Variants in TNFAIP8 observed in about 807,000 individuals in gnomAD.
The protein encoded by TNFAIP8 is tumor necrosis factor alpha-induced protein 8.
A neutral mutation model predicts 13.3 loss-of-function variants in TNFAIP8; 7 were observed. The ratio of observed to expected loss-of-function variants is 0.52; its 90% CI spans 0.30 to 0.99. TNFAIP8 has a LOEUF of 0.99. Ranked by LOEUF, TNFAIP8 falls within the 50% of genes least tolerant of loss-of-function variation. The pLI is 0.07. For synonymous variants in TNFAIP8, 94 were observed against 87.6 expected (o/e 1.07, Z -0.41); for missense variants, 258 against 236.9 (o/e 1.09, Z -0.58).
chr5:119,348,880 C>CAAAAAAAAAAA (rs60633145), intron 1 of TNFAIP8, among the ~76,000 whole-genome samples: 1 of 90,952 alleles, frequency 1.1e-5, no homozygotes, highest in Non-Finnish European at 2.5e-5. Flanking sequence ...AACTCCATCT[C>CAAAAAAAAAAA]AAAAAAAAAA....
At chr5:119,363,463 G>T (rs998541180) in intron 1 of TNFAIP8, among the ~76,000 whole-genome samples, 1 of 152,220 alleles carries the variant, frequency 6.6e-6, no homozygotes, top group Non-Finnish European at 1.5e-5. Flanking sequence ...GTTGCCAGTA[G>T]ATTCCTTTCC....
At chr5:119,356,464 A>G (rs1381789674) in intron 1 of TNFAIP8, among the ~76,000 whole-genome samples, 1 of 152,236 alleles carries the variant, frequency 6.6e-6, no homozygotes. Flanking sequence ...TGCATCAGAA[A>G]GACTGAAAGC....
chr5:119,317,690 C>T lies in TNFAIP8; in HGVS notation c.1+48783C>T, dbSNP rs560495159. Among the ~76,000 whole-genome samples the T allele has an allele frequency of 3.3e-3, 503 of 151,970 alleles. 2 individuals are homozygous for T. The highest frequency in any genetic ancestry group is 0.012 in the African/African-American group (491 of 41,482). ...TTCGGCTCACTGCAACCTCCACCTC[C>T]CAGGTTCAAATGATTCTCCTGCGTC... On this transcript the variant is annotated intron_variant, in intron 1 of 1. Coordinates refer to the TNFAIP8 transcript ENST00000274456.
At chr5:119,335,929 C>A (rs922307498) in intron 1 of TNFAIP8, among the ~76,000 whole-genome samples, 1 of 151,746 alleles carries the variant, frequency 6.6e-6, no homozygotes, top group Non-Finnish European at 1.5e-5. Context: ...GTGAGTGAAT[C>A]CTCACTGAGA....
intron 1 of TNFAIP8, among the ~76,000 whole-genome samples, chr5:119,320,821 G>A (rs868150524): frequency 1.3e-5 from 2 of 150,466 alleles, no homozygotes; most frequent in Non-Finnish European, 1.5e-5. Context: ...AGATGGAATT[G>A]CCCCAGGGCT....
At chr5:119,334,696 C>G (rs559261542) in intron 1 of TNFAIP8, among the ~76,000 whole-genome samples, 2 of 147,964 alleles carry the variant, frequency 1.4e-5, no homozygotes, top group African/African-American at 5.0e-5. Context: ...ATTGCTTGAA[C>G]CTGGGAGGTG....
At chr5:119,355,587 C>CA (rs1003403289), upstream of TNFAIP8, 11 of 561,984 alleles carry the variant, frequency 2.0e-5, no homozygotes, top group South Asian at 1.4e-4. Flanking sequence ...AAATGGGCAT[C>CA]AAAAAATGTA....
chr5:119,364,561 T>C lies in TNFAIP8; in HGVS notation c.31+8440T>C, dbSNP rs933042337. Among the ~76,000 whole-genome samples the C allele has an allele frequency of 5.9e-5, 9 of 152,118 alleles. 1 individual carries two copies. Among genetic ancestry groups the C allele is most frequent in the Admixed American group, 5.2e-4 (8 of 15,274 alleles). On this transcript the variant is annotated intron_variant, in intron 1 of 1. Transcript: ENST00000504771. ...CAAGGTCTCACTTTGTTGCCTAGGC[T>C]GGTCATGAACTCATGAGCTCAAGCA...
chr5:119,361,076 G>A (rs1464008801), intron 1 of TNFAIP8, among the ~76,000 whole-genome samples: 2 of 152,190 alleles, frequency 1.3e-5, no homozygotes, highest in African/African-American at 4.8e-5. Flanking sequence ...GTATGTGTGT[G>A]GGTGGGAAGG....
intron 1 of TNFAIP8, among the ~76,000 whole-genome samples, chr5:119,389,820 G>T (rs1214250309): frequency 6.6e-6 from 1 of 152,172 alleles, no homozygotes; most frequent in East Asian, 1.9e-4. Flanking sequence ...AGCGGGGTTT[G>T]AAGTTCCTCT....
intron 1 of TNFAIP8, among the ~76,000 whole-genome samples, chr5:119,311,136 C>G (rs1749716020): frequency 6.6e-6 from 1 of 152,162 alleles, no homozygotes; most frequent in Non-Finnish European, 1.5e-5. Flanking sequence ...GATCCTCCCA[C>G]TTCAGCCCCC....
intron 1 of TNFAIP8, among the ~76,000 whole-genome samples, chr5:119,324,679 T>A (rs763429675): frequency 6.6e-6 from 1 of 151,946 alleles, no homozygotes; most frequent in East Asian, 1.9e-4. Flanking sequence ...TTTTTCCTTA[T>A]CACAGCAGTA....
chr5:119,375,926 A>G (rs1248065454), intron 1 of TNFAIP8, among the ~76,000 whole-genome samples: 1 of 152,044 alleles, frequency 6.6e-6, no homozygotes, highest in Non-Finnish European at 1.5e-5. Context: ...TTGAACCAAC[A>G]TTTGTACTAA....
At chr5:119,334,783 G>C (rs977481815) in intron 1 of TNFAIP8, among the ~76,000 whole-genome samples, 1 of 151,794 alleles carries the variant, frequency 6.6e-6, no homozygotes, top group African/African-American at 2.4e-5. Context: ...CAAAAAAAAT[G>C]GTTATGTGTC....
rs187656045 is a variant in TNFAIP8, at chr5:119,278,038, T to C, written c.1+9131T>C. Among the ~76,000 whole-genome samples the C allele has an allele frequency of 3.9e-5, 6 of 152,264 alleles. No homozygotes were observed. The East Asian group carries it at 1.2e-3, about 29-fold the overall frequency. ...ATGAATTTTGAGGGGAGATACACCT[T>C]CAGACCATAGCAGGAGGGACACAAT... On this transcript the variant is annotated intron_variant, in intron 1 of 1. Coordinates refer to the TNFAIP8 transcript ENST00000274456.
At chr5:119,281,345 CAT>C in intron 1 of TNFAIP8, among the ~76,000 whole-genome samples, 1 of 151,758 alleles carries the variant, frequency 6.6e-6, no homozygotes, top group Non-Finnish European at 1.5e-5. Flanking sequence ...CATAAATACT[CAT>C]ATAAAGATAA....
chr5:119,352,574 A>G (rs1751209086), upstream of TNFAIP8, among the ~76,000 whole-genome samples: 1 of 152,226 alleles, frequency 6.6e-6, no homozygotes, highest in Non-Finnish European at 1.5e-5. Context: ...CCTCCTAATT[A>G]AAAGGTACCT....
intron 1 of TNFAIP8, among the ~76,000 whole-genome samples, chr5:119,298,635 T>C (rs1749257544): frequency 1.3e-5 from 2 of 152,158 alleles, no homozygotes; most frequent in Admixed American, 1.3e-4. Flanking sequence ...CTGTATTTCC[T>C]GAATCTGAAT....
At chr5:119,303,270 A>G (rs1375587737) in intron 1 of TNFAIP8, among the ~76,000 whole-genome samples, 2 of 152,248 alleles carry the variant, frequency 1.3e-5, no homozygotes, top group African/African-American at 2.4e-5. Flanking sequence ...TGTTTTGTTT[A>G]AAGTGTATGT....
Sources: gnomAD v4.1 joint callset for allele counts (sites outside exome capture counted in the v4.1 genomes callset) on GRCh38, gnomAD v4.1.1 for gene constraint, MANE v1.5 for transcripts, NCBI Gene and HGNC (gene_info 2026-07-23, HGNC 2026-07-21) for gene names.